The following STK11 variants were observed in gnomAD, a reference collection of about 807,000 sequenced individuals.
The protein encoded by STK11 is serine/threonine-protein kinase STK11.
Under a neutral mutation model 47.3 loss-of-function variants are expected in STK11, and 8 were observed. The ratio of observed to expected loss-of-function variants is 0.17; its 90% confidence interval spans 0.10 to 0.31. The LOEUF (loss-of-function observed/expected upper bound fraction) is 0.31. Among genes scored for constraint, STK11 ranks in the 10% least tolerant of loss-of-function variants. The pLI is 1.00. For synonymous variants in STK11, 330 were observed against 255.8 expected (o/e 1.29, Z -2.77); for missense variants, 475 against 605.0 (o/e 0.79, Z 2.25).
At chr19:1,221,656 A>G (rs1208381935) in intron 6 of STK11, 11 of 584,992 alleles carry the variant, frequency 1.9e-5, no homozygotes, top group African/African-American at 7.5e-5. Context: ...CTTCCTACGC[A>G]TGGCAGCAGG....
chr19:1,216,956 T>G (rs2080748899), intron 1 of STK11, among the ~76,000 whole-genome samples: 1 of 151,982 alleles, frequency 6.6e-6, no homozygotes, highest in Non-Finnish European at 1.5e-5. Flanking sequence ...GGCTGAGTCT[T>G]GTTGAGTGCG....
intron 7 of STK11, among the ~76,000 whole-genome samples, chr19:1,222,258 G>A (rs906285078): frequency 3.9e-5 from 6 of 152,236 alleles, no homozygotes; most frequent in African/African-American, 1.4e-4. Flanking sequence ...CCCTAGGCAT[G>A]GAGATGCGCC....
Position 1,218,487 on chromosome 19 carries a change from G to A in STK11, c.361G>A (p.Glu121Lys), listed in dbSNP as rs1316669124. 1 of 1,613,470 alleles carries A rather than the reference G, an allele frequency of 6.2e-7. No individual in the cohort carries two copies. Among genetic ancestry groups the A allele is most frequent in the African/African-American group, 1.3e-5 (1 of 74,952 alleles). Residue 121 changes from glutamate to lysine, a missense_variant, in exon 2 of 10, where the codon GAG becomes AAG. This residue lies in a region of STK11 where 46 missense variants were observed against 45.5 expected (regional missense o/e 1.01). Transcript: ENST00000326873. Reference protein sequence around the residue: ...IQLVDVLYNEEKQKMYMVMEY... With the variant: ...IQLVDVLYNEKKQKMYMVMEY... The stretch of plus-strand genomic sequence containing the variant: ...GCTGGTGGATGTGTTATACAACGAA[G>A]AGAAGCAGAAAATATATCCTTTCCG...
intron 1 of STK11, among the ~76,000 whole-genome samples, chr19:1,208,653 T>C (rs1174369595): frequency 3.2e-5 from 4 of 125,002 alleles, no homozygotes; most frequent in Non-Finnish European, 4.9e-5. Flanking sequence ...GTTTCACTCT[T>C]GTTGCTCAGG....
At position 1,227,614 on chromosome 19, in the gene STK11, A is replaced by T. The variant is rs938139795; in HGVS notation, c.*38A>T. 16 of 1,065,310 alleles carry T rather than the reference A, an allele frequency of 1.5e-5. No homozygotes were observed. The highest frequency in any genetic ancestry group is 4.5e-5 in the South Asian group (1 of 21,986). The allele number at this position is 1,065,310 out of a possible 1,614,324, so 66.0% of individuals were successfully genotyped here. A position where few individuals can be genotyped will look rare whatever the true frequency, so the allele number is the denominator to read the frequency against. On this transcript the variant is annotated 3_prime_UTR_variant, in exon 10 of 10. Coordinates refer to ENST00000326873, the MANE Select transcript of STK11 (RefSeq NM_000455.5). The stretch of plus-strand genomic sequence containing the variant: ...GCAGCCCGTGTCCAGGAGCCCCGCC[A>T]GGTGCCCGCGCCAGGCCCTCAGTCT...
rs1568690463 is a variant in STK11, at chr19:1,207,173, G to A, written c.260G>A (p.Arg87Lys). The A allele has an allele frequency of 6.2e-7, 1 of 1,610,462 alleles. No individual in the cohort carries two copies. Among genetic ancestry groups the A allele is most frequent in the African/African-American group, 1.3e-5 (1 of 74,996 alleles). The change falls in exon 1 of 10, where the codon AGG (arginine) becomes AAG (lysine). Residue 87 changes from arginine (R) to lysine (K), a missense_variant. Arg to Lys is a conservative substitution (Grantham distance 26, BLOSUM62 2). This residue lies in a region of STK11 where 47 missense variants were observed against 103.7 expected (regional missense o/e 0.45). Coordinates refer to ENST00000326873, the MANE Select transcript of STK11 (RefSeq NM_000455.5). ...ATCCTCAAGAAGAAGAAGTTGCGAA[G>A]GATCCCCAACGGGGAGGCCAACGTG... is the stretch of plus-strand genomic sequence containing the variant. ...VKILKKKKLR[R>K]IPNGEANVKK...
chr19:1,217,562 G>A (rs1005520018), intron 1 of STK11, among the ~76,000 whole-genome samples: 4 of 152,206 alleles, frequency 2.6e-5, no homozygotes, highest in African/African-American at 4.8e-5. Context: ...GCAGGTGGGC[G>A]TGGCCAACTG....
At chr19:1,218,186 G>C (rs1377926518) in intron 1 of STK11, among the ~76,000 whole-genome samples, 3 of 151,054 alleles carry the variant, frequency 2.0e-5, no homozygotes, top group Non-Finnish European at 4.4e-5. Flanking sequence ...CAAAGCCCTC[G>C]CCGGCCGATG....
chr19:1,224,162 G>A, intron 8 of STK11: 1 of 986,660 alleles, frequency 1.0e-6, no homozygotes, highest in Non-Finnish European at 1.2e-6. Context: ...CAGTGTGGGG[G>A]CCCCCGAGAG....
chr19:1,219,053 C>T (rs75556262), intron 2 of STK11, among the ~76,000 whole-genome samples: 3 of 152,148 alleles, frequency 2.0e-5, no homozygotes, highest in African/African-American at 7.2e-5. Flanking sequence ...GCACCATCCC[C>T]CGCCCATGGG....
Position 1,224,989 on chromosome 19 carries a change from G to A in STK11, c.1109-1465G>A, listed in dbSNP as rs1366896205. 1.1e-5 allele frequency: 11 copies of A among 985,490 alleles called. No homozygotes were observed. The East Asian group carries it at 5.7e-4, about 51-fold the overall frequency. 61.0% of individuals were successfully genotyped at this position (985,490 alleles called of 1,614,324 possible). A position where few individuals can be genotyped will look rare whatever the true frequency, so the allele number is the denominator to read the frequency against. On this transcript the variant is annotated intron_variant, in intron 8 of 9. Transcript: ENST00000326873. Reference sequence around the variant, plus strand: ...GTCAGGCCATCCTCTGCGCTCTGCCGGGGCTGCTGCATCGGCCTCTGCGTG... The same window carrying A: ...GTCAGGCCATCCTCTGCGCTCTGCCAGGGCTGCTGCATCGGCCTCTGCGTG...
intron 1 of STK11, among the ~76,000 whole-genome samples, chr19:1,211,786 A>C (rs1050714489): frequency 1.3e-5 from 2 of 152,070 alleles, no homozygotes; most frequent in African/African-American, 2.4e-5. Flanking sequence ...AGGAGGTGGG[A>C]GGTGGGCGGC....
chr19:1,211,205 G>GCCT (rs1339336417), intron 1 of STK11, among the ~76,000 whole-genome samples: 1 of 152,276 alleles, frequency 6.6e-6, no homozygotes, highest in African/African-American at 2.4e-5. Flanking sequence ...AACCTGGGAG[G>GCCT]CGGAGGTTGC....
intron 1 of STK11, among the ~76,000 whole-genome samples, chr19:1,212,300 T>G (rs1476654406): frequency 1.9e-5 from 2 of 108,068 alleles, no homozygotes; most frequent in Non-Finnish European, 3.4e-5. Context: ...TTTTTTTTTT[T>G]GGAGACAGGG....
chr19:1,228,417 C>T lies in STK11; in HGVS notation c.*841C>T, dbSNP rs2080845449. The stretch of plus-strand genomic sequence containing the variant: ...CGCCCAAATTTGGCAATAAATAAAG[C>T]TTGGGAAGCTTGGACCTGGCCGTCT... On this transcript the variant is annotated 3_prime_UTR_variant, in exon 10 of 10. Transcript: ENST00000326873. The T allele has an allele frequency of 9.5e-6, 2 of 211,336 alleles. No homozygotes were observed. Among genetic ancestry groups the T allele is most frequent in the East Asian group, 1.3e-4 (2 of 15,710 alleles). The allele number at this position is 211,336 out of a possible 1,614,324, so 13.1% of individuals were successfully genotyped here. A position where few individuals can be genotyped will look rare whatever the true frequency, so the allele number is the denominator to read the frequency against.
chr19:1,220,965 G>C (rs991340914), intron 5 of STK11, among the ~76,000 whole-genome samples: 1 of 152,208 alleles, frequency 6.6e-6, no homozygotes, highest in African/African-American at 2.4e-5. Flanking sequence ...TCCTCCCAGA[G>C]CCCCACAGGG....
At chr19:1,224,851 C>T in intron 8 of STK11, 1 of 985,588 alleles carries the variant, frequency 1.0e-6, no homozygotes, top group South Asian at 4.7e-5. Flanking sequence ...AGGTGGACGC[C>T]CCTCCCACTG....
At chr19:1,211,417 G>A (rs564218339) in intron 1 of STK11, among the ~76,000 whole-genome samples, 15 of 152,196 alleles carry the variant, frequency 9.9e-5, no homozygotes, top group African/African-American at 2.9e-4. Flanking sequence ...CTTCTCGGGG[G>A]ACAGCACGGC....
intron 9 of STK11, chr19:1,227,080 G>A (rs1000831724): frequency 3.4e-4 from 65 of 191,516 alleles, no homozygotes; most frequent in Non-Finnish European, 6.1e-4. Flanking sequence ...GGCCTCCATG[G>A]CTCTGCCGGG....
Sources: gnomAD v4.1 joint callset for allele counts (sites outside exome capture counted in the v4.1 genomes callset) on GRCh38, gnomAD v4.1.1 for gene constraint, gnomAD v4.1.1 regional missense constraint, MANE v1.5 for transcripts, NCBI Gene and HGNC (gene_info 2026-07-23, HGNC 2026-07-21) for gene names.